HCRTR2: variants seen among roughly 807,000 people sequenced by gnomAD.
The protein encoded by HCRTR2 is orexin receptor type 2.
In HCRTR2, 22 loss-of-function variants were observed where a neutral mutation model predicts 49.0. That is an observed-to-expected ratio of 0.45 (90% CI 0.32 to 0.64). The LOEUF (loss-of-function observed/expected upper bound fraction) is 0.64, where lower values mean the gene tolerates loss of function less well. Ranked by LOEUF, HCRTR2 falls within the 30% of genes least tolerant of loss-of-function variation. The pLI is 0.04. For synonymous variants in HCRTR2, 236 were observed against 205.3 expected (o/e 1.15, Z -1.28); for missense variants, 491 against 559.4 (o/e 0.88, Z 1.23).
In HCRTR2 at chr6:55,186,463, C is replaced by T. The variant is rs369607533; in HGVS notation, c.223+11653C>T. Among the ~76,000 whole-genome samples, 108 of 152,300 alleles carry T rather than the reference C, an allele frequency of 7.1e-4. 3 individuals carry two copies. The South Asian group carries it at 0.017, about 24-fold the overall frequency. ...GAAAATCTTTCCCCAGCACTGAGAT[C>T]TCCTTGACATGACTAAGTGATTTAT... On this transcript the variant is annotated intron_variant, in intron 1 of 6. Transcript: ENST00000370862.
At chr6:55,277,661 T>A (rs1445467051) in intron 5 of HCRTR2, 61 bp downstream of exon 5, 2 of 331,368 alleles carry the variant, frequency 6.0e-6, no homozygotes, top group Admixed American at 8.6e-5. Flanking sequence ...CTTAATTAAC[T>A]TTTTTTTTTT....
intron 1 of HCRTR2, among the ~76,000 whole-genome samples, chr6:55,244,600 T>C (rs1015488086): frequency 1.6e-4 from 24 of 152,180 alleles, no homozygotes; most frequent in South Asian, 4.1e-4. Context: ...ATAAATTTAG[T>C]GTGCTCTCAG....
At chr6:55,152,829 G>A (rs1318957289) in intron 1 of HCRTR2, among the ~76,000 whole-genome samples, 5 of 151,960 alleles carry the variant, frequency 3.3e-5, no homozygotes, top group Admixed American at 3.3e-4. Context: ...TTTGCATATG[G>A]TTACCAAGTA....
Position 55,212,380 on chromosome 6 carries a change from T to C in HCRTR2, c.224-36259T>C, listed in dbSNP as rs11961291. Reference sequence around the variant, plus strand: ...GTAGTAACATGCCCAGCTTCAGAAATGAGTCATGATTTTTCTAAAGCAACA... The same window carrying C: ...GTAGTAACATGCCCAGCTTCAGAAACGAGTCATGATTTTTCTAAAGCAACA... On this transcript the variant is annotated intron_variant, in intron 1 of 6. Coordinates refer to ENST00000370862, the MANE Select transcript of HCRTR2 (RefSeq NM_001384272.1). Among the ~76,000 whole-genome samples, 459 of 152,244 alleles carry C rather than the reference T, an allele frequency of 3.0e-3. 8 individuals are homozygous for C. The highest frequency in any genetic ancestry group is 0.011 in the African/African-American group (442 of 41,552).
chr6:55,263,679 G>A (rs1459899192), intron 3 of HCRTR2, 28 bp from the exon 4 acceptor site: 1 of 1,197,282 alleles, frequency 8.4e-7, no homozygotes. Context: ...TGTAACGTAA[G>A]GTTTTGTTGT....
chr6:55,187,682 CT>C (rs5876430), intron 1 of HCRTR2, among the ~76,000 whole-genome samples: 1,069 of 102,214 alleles, frequency 0.01, 29 homozygotes, highest in East Asian at 0.08. Flanking sequence ...ATTATTTGAT[CT>C]TTTTTTTTTT....
rs76380807 is a variant in HCRTR2 at position 55,282,138 on chromosome 6, A to G, written c.1106-87A>G. ...TTACACCTCATTGTTAGTTTGGCTC[A>G]AGGGAGCAACTCAGTTGTACCCTAT... On this transcript the variant is annotated intron_variant, in intron 6 of 6. Coordinates refer to ENST00000370862, the MANE Select transcript of HCRTR2 (RefSeq NM_001384272.1). 12,724 of 938,462 alleles carry G rather than the reference A, an allele frequency of 0.014. 926 individuals are homozygous for G. The East Asian group carries it at 0.19, about 14-fold the overall frequency. 58.1% of individuals were successfully genotyped at this position (938,462 alleles called of 1,614,324 possible). A position where few individuals can be genotyped will look rare whatever the true frequency, so the allele number is the denominator to read the frequency against.
rs781173803 is a variant in HCRTR2, at chr6:55,279,407, G to A, written c.984-916G>A. 5.9e-5 allele frequency among the ~76,000 whole-genome samples: 9 copies of A among 151,762 alleles called. No individual in the cohort carries two copies. In the East Asian group the frequency reaches 1.6e-3, roughly 26 times the overall value. ...AACATAGTACAAATTTCTTTTGTCCGTATTATTTCACTCTATATAGTATTT... is the reference window on the plus strand; with the variant it reads ...AACATAGTACAAATTTCTTTTGTCCATATTATTTCACTCTATATAGTATTT... On this transcript the variant is annotated intron_variant, in intron 5 of 6. Coordinates refer to ENST00000370862, the MANE Select transcript of HCRTR2 (RefSeq NM_001384272.1).
chr6:55,108,850 G>C (rs897854710), intron 1 of HCRTR2, among the ~76,000 whole-genome samples: 2 of 152,084 alleles, frequency 1.3e-5, no homozygotes, highest in Non-Finnish European at 2.9e-5. Context: ...AGAGAGCACA[G>C]AAAGCATTGT....
In HCRTR2 at chr6:55,149,225, A is replaced by C. The variant is rs557717090; in HGVS notation, c.-377-24986A>C. Among the ~76,000 whole-genome samples, 5 of 152,180 alleles carry C rather than the reference A, an allele frequency of 3.3e-5. No individual in the cohort carries two copies. The South Asian group carries it at 1.0e-3, about 32-fold the overall frequency. ...CAAATACAGTTTTGTTTTGTGGAAA[A>C]AATTACTTTAATGCTAAAAGTCCAA... is the stretch of plus-strand genomic sequence containing the variant. On this transcript the variant is annotated intron_variant, in intron 1 of 7. Coordinates refer to the HCRTR2 transcript ENST00000615358.
At chr6:55,274,340 T>C (rs1344483239) in intron 4 of HCRTR2, among the ~76,000 whole-genome samples, 1 of 148,194 alleles carries the variant, frequency 6.7e-6, no homozygotes, top group African/African-American at 2.5e-5. Context: ...TACTTATATA[T>C]ATATTTTATG....
chr6:55,132,406 A>G (rs1025113029), intron 1 of HCRTR2, among the ~76,000 whole-genome samples: 4 of 151,914 alleles, frequency 2.6e-5, no homozygotes, highest in African/African-American at 9.7e-5. Context: ...AAAGTGGAAA[A>G]GAATGTAGTT....
At chr6:55,157,609 C>T (rs1438389224) in intron 1 of HCRTR2, among the ~76,000 whole-genome samples, 6 of 152,188 alleles carry the variant, frequency 3.9e-5, no homozygotes, top group Non-Finnish European at 8.8e-5. Flanking sequence ...TCTAGTTTGA[C>T]CCAGCACAGC....
chr6:55,136,029 A>G (rs1425947558), intron 1 of HCRTR2, among the ~76,000 whole-genome samples: 1 of 152,206 alleles, frequency 6.6e-6, no homozygotes, highest in Non-Finnish European at 1.5e-5. Flanking sequence ...TAATTAATAA[A>G]GGAAATATCT....
intron 1 of HCRTR2, among the ~76,000 whole-genome samples, chr6:55,159,041 C>G (rs534213871): frequency 6.6e-6 from 1 of 152,298 alleles, no homozygotes; most frequent in South Asian, 2.1e-4. Flanking sequence ...TCGACAGACA[C>G]CTCATACAGG....
intron 4 of HCRTR2, among the ~76,000 whole-genome samples, chr6:55,271,749 G>A (rs976109458): frequency 1.3e-5 from 2 of 151,956 alleles, no homozygotes; most frequent in African/African-American, 4.8e-5. Flanking sequence ...ATATACAAAT[G>A]GTCAATAAGC....
chr6:55,139,626 A>G (rs1764479789), intron 1 of HCRTR2, among the ~76,000 whole-genome samples: 1 of 152,220 alleles, frequency 6.6e-6, no homozygotes, highest in African/African-American at 2.4e-5. Context: ...CAATGGTGGC[A>G]AGATCAAAGG....
intron 1 of HCRTR2, among the ~76,000 whole-genome samples, chr6:55,190,350 T>C (rs563525969): frequency 2.0e-5 from 3 of 152,166 alleles, no homozygotes; most frequent in Non-Finnish European, 4.4e-5. Flanking sequence ...CACACTTTCA[T>C]GCCAGGTAGG....
In HCRTR2 at chr6:55,255,370, C is replaced by A; in HGVS notation, c.637C>A (p.Arg213Ser). The change falls in exon 3 of 7, where the codon CGC (arginine) becomes AGC (serine). Residue 213 changes from arginine (R) to serine (S), a missense_variant. By Grantham distance (110) the Arg-to-Ser change is moderately radical. Coordinates refer to ENST00000370862, the MANE Select transcript of HCRTR2 (RefSeq NM_001384272.1). ...CACCCTCTTTACGGTGTGTGATGAG[C>A]GCTGGGGTGGTAAGTACCTTATGGC... Reference protein sequence around the residue: ...KTTLFTVCDERWGGEIYPKMY... With the variant: ...KTTLFTVCDESWGGEIYPKMY... 1 of 1,613,932 alleles carries A rather than the reference C, an allele frequency of 6.2e-7. No homozygotes were observed. Among genetic ancestry groups the A allele is most frequent in the Non-Finnish European group, 8.5e-7 (1 of 1,179,912 alleles).
Sources: gnomAD v4.1 joint callset for allele counts (sites outside exome capture counted in the v4.1 genomes callset) on GRCh38, gnomAD v4.1.1 for gene constraint, MANE v1.5 for transcripts, NCBI Gene and HGNC (gene_info 2026-07-23, HGNC 2026-07-21) for gene names.